ABCG2: variants seen among roughly 807,000 people sequenced by gnomAD.
ABCG2 encodes the protein ATP binding cassette subfamily G member 2 (JR blood group), also known as broad substrate specificity ATP-binding cassette transporter ABCG2.
A neutral mutation model predicts 73.5 loss-of-function variants in ABCG2; 80 were observed. The ratio of observed to expected loss-of-function variants is 1.09; its 90% confidence interval spans 0.91 to 1.31. The LOEUF (loss-of-function observed/expected upper bound fraction) is 1.31, where lower values mean the gene tolerates loss of function less well. ABCG2 is among the 50% of genes most tolerant of loss of function. The pLI is 0.00. For synonymous variants in ABCG2, 269 were observed against 282.4 expected, an observed-to-expected ratio of 0.95 and a Z score of 0.48; for missense variants, 796 against 786.2, an observed-to-expected ratio of 1.01 and a Z score of -0.15.
At chr4:88,173,846 A>G (rs1727853209) in intron 1 of ABCG2, among the ~76,000 whole-genome samples, 1 of 152,228 alleles carries the variant, frequency 6.6e-6, no homozygotes, top group Non-Finnish European at 1.5e-5. Context: ...AAGAAAAAAG[A>G]AAACAAATAT....
chr4:88,194,405 C>T (rs1444971742), intron 1 of ABCG2, among the ~76,000 whole-genome samples: 2 of 151,790 alleles, frequency 1.3e-5, no homozygotes, highest in Admixed American at 1.3e-4. Context: ...AAAAAATTAG[C>T]AGGGCATGGT....
intron 7 of ABCG2, among the ~76,000 whole-genome samples, chr4:88,116,127 G>A (rs1473354649): frequency 2.0e-5 from 3 of 152,146 alleles, no homozygotes; most frequent in East Asian, 1.9e-4. Context: ...CCTGGGAGGT[G>A]GAGGTTGCAG....
At chr4:88,123,041 T>G (rs946997847) in intron 5 of ABCG2, among the ~76,000 whole-genome samples, 1 of 152,320 alleles carries the variant, frequency 6.6e-6, no homozygotes, top group South Asian at 2.1e-4. Flanking sequence ...AAACAGGGTC[T>G]GGAGTGGACC....
chr4:88,158,447 G>A lies in ABCG2; in HGVS notation c.-81C>T, dbSNP rs558361384. The A allele has an allele frequency of 2.0e-4, 89 of 453,460 alleles. No homozygotes were observed. Among genetic ancestry groups the A allele is most frequent in the South Asian group, 1.3e-3 (85 of 64,184 alleles). 28.1% of individuals were successfully genotyped at this position (453,460 alleles called of 1,614,324 possible). On this transcript the variant is annotated 5_prime_UTR_variant, in exon 1 of 16. Coordinates refer to ENST00000237612, the MANE Select transcript of ABCG2 (RefSeq NM_004827.3). ...GGATCTCAGGATGCGTGCGCTCGGAGGCAGCGCTTTAACAATTAAGGATGT... is the reference window on the plus strand; with the variant it reads ...GGATCTCAGGATGCGTGCGCTCGGAAGCAGCGCTTTAACAATTAAGGATGT...
intron 1 of ABCG2, among the ~76,000 whole-genome samples, chr4:88,221,496 T>G (rs903197863): frequency 3.3e-5 from 5 of 152,172 alleles, no homozygotes; most frequent in Non-Finnish European, 5.9e-5. Context: ...TGGAATTTCC[T>G]AGAGATTTGG....
chr4:88,224,371 G>A (rs1198404504), intron 1 of ABCG2, among the ~76,000 whole-genome samples: 1 of 152,168 alleles, frequency 6.6e-6, no homozygotes, highest in Non-Finnish European at 1.5e-5. Flanking sequence ...TGGGGAAGTT[G>A]AGGCTGAAAT....
chr4:88,162,876 T>C (rs1051713206), upstream of ABCG2, among the ~76,000 whole-genome samples: 1 of 152,180 alleles, frequency 6.6e-6, no homozygotes, highest in Non-Finnish European at 1.5e-5. Context: ...CTTTCTTTTA[T>C]TTTACCAGGC....
In ABCG2 at chr4:88,146,292, T is replaced by C. The variant is rs913089205; in HGVS notation, c.-19-6278A>G. On this transcript the variant is annotated intron_variant, in intron 1 of 15. Coordinates refer to ENST00000237612, the MANE Select transcript of ABCG2 (RefSeq NM_004827.3). ...GGGTTCCTAGAAATTAAACTGGCAA[T>C]AGACAGGTTAATATGACCAAAAAAA... Among the ~76,000 whole-genome samples the C allele has an allele frequency of 1.2e-4, 18 of 150,952 alleles. No individual in the cohort carries two copies. In the East Asian group the frequency reaches 2.2e-3, roughly 18 times the overall value.
At chr4:88,152,556 T>C (rs185327180) in intron 1 of ABCG2, among the ~76,000 whole-genome samples, 253 of 152,120 alleles carry the variant, frequency 1.7e-3, no homozygotes, top group African/African-American at 5.7e-3. Context: ...TGAGCCAGAA[T>C]GAGCCAGGAG....
At chr4:88,217,219 C>A (rs1729847835) in intron 1 of ABCG2, among the ~76,000 whole-genome samples, 1 of 152,004 alleles carries the variant, frequency 6.6e-6, no homozygotes, top group Non-Finnish European at 1.5e-5. Flanking sequence ...ATACCTAGAT[C>A]TTACAGAGCA....
At chr4:88,203,182 C>A (rs1366010095) in intron 1 of ABCG2, among the ~76,000 whole-genome samples, 1 of 151,980 alleles carries the variant, frequency 6.6e-6, no homozygotes, top group Non-Finnish European at 1.5e-5. Flanking sequence ...TTGCAAATTA[C>A]TAAGAACTGG....
intron 5 of ABCG2, among the ~76,000 whole-genome samples, chr4:88,126,833 A>G (rs1724450048): frequency 6.6e-6 from 1 of 152,228 alleles, no homozygotes; most frequent in African/African-American, 2.4e-5. Context: ...CTGAATGGGC[A>G]AAAGCTGGAA....
intron 1 of ABCG2, among the ~76,000 whole-genome samples, chr4:88,168,460 C>T (rs868853750): frequency 6.7e-6 from 1 of 149,248 alleles, no homozygotes; most frequent in Non-Finnish European, 1.5e-5. Context: ...GCACTCCACC[C>T]TGGTGACAGA....
chr4:88,181,158 T>C (rs1375259011), intron 1 of ABCG2, among the ~76,000 whole-genome samples: 1 of 151,950 alleles, frequency 6.6e-6, no homozygotes, highest in East Asian at 1.9e-4. Context: ...TCCCAGCACT[T>C]TGGGAGGCTG....
chr4:88,099,664 T>G (rs968209117), intron 11 of ABCG2, among the ~76,000 whole-genome samples: 1 of 152,154 alleles, frequency 6.6e-6, no homozygotes, highest in African/African-American at 2.4e-5. Context: ...CAGCCCCTCT[T>G]CTCATGACAC....
intron 6 of ABCG2, among the ~76,000 whole-genome samples, chr4:88,121,026 C>T (rs1017821677): frequency 6.6e-6 from 1 of 152,160 alleles, no homozygotes; most frequent in African/African-American, 2.4e-5. Flanking sequence ...TGTGAAGAGT[C>T]ACTTCAATTT....
intron 10 of ABCG2, among the ~76,000 whole-genome samples, chr4:88,104,934 A>T (rs1722675986): frequency 6.6e-6 from 1 of 152,212 alleles, no homozygotes; most frequent in African/African-American, 2.4e-5. Context: ...GTTCCAGTTG[A>T]GGACCAGGTT....
chr4:88,097,230 A>G (rs1027298478), intron 13 of ABCG2, among the ~76,000 whole-genome samples: 1 of 152,214 alleles, frequency 6.6e-6, no homozygotes, highest in African/African-American at 2.4e-5. Flanking sequence ...TATTAACTAA[A>G]ATTATTGGAA....
At chr4:88,160,275 G>A (rs952343228), upstream of ABCG2, among the ~76,000 whole-genome samples, 1 of 151,494 alleles carries the variant, frequency 6.6e-6, no homozygotes, top group Non-Finnish European at 1.5e-5. Context: ...AAAGTTTTCA[G>A]ACCTGGCCGT....
Sources: allele counts gnomAD v4.1 joint callset (sites outside exome capture counted in the v4.1 genomes callset), GRCh38; gene constraint gnomAD v4.1.1; transcripts MANE v1.5; gene names NCBI Gene and HGNC (gene_info 2026-07-23, HGNC 2026-07-21).